Variants in RARB observed in about 807,000 individuals in gnomAD.
The protein encoded by RARB is HBV-activated protein.
In RARB, 17 loss-of-function variants were observed where a neutral mutation model predicts 51.9. The observed-to-expected ratio is 0.33, with a 90% CI of 0.22 to 0.49. The LOEUF is 0.49. Among genes scored for constraint, RARB ranks in the 20% least tolerant of loss-of-function variants. The pLI is 0.99. For missense variants in RARB, 369 were observed against 550.8 expected (o/e 0.67, Z 3.30); for synonymous variants, 215 against 195.4 (o/e 1.10, Z -0.84).
chr3:25,508,574 AATC>A (rs1400642109), intron 3 of RARB, among the ~76,000 whole-genome samples: 2 of 152,170 alleles, frequency 1.3e-5, no homozygotes, highest in Non-Finnish European at 2.9e-5. Context: ...ATTACATAAA[AATC>A]ATCATCAGGG....
At chr3:25,563,763 C>T (rs1700367419) in intron 3 of RARB, among the ~76,000 whole-genome samples, 1 of 152,200 alleles carries the variant, frequency 6.6e-6, no homozygotes, top group African/African-American at 2.4e-5. Context: ...CAACTCATGA[C>T]AACCCCATAG....
chr3:25,190,153 G>C (rs1701065397), intron 5 of RARB, among the ~76,000 whole-genome samples: 2 of 151,974 alleles, frequency 1.3e-5, no homozygotes, highest in Non-Finnish European at 2.9e-5. Context: ...GAAAATCATA[G>C]TATCTAGAAC....
At chr3:25,464,069 TATAA>T (rs1483165620) in intron 2 of RARB, among the ~76,000 whole-genome samples, 1 of 152,256 alleles carries the variant, frequency 6.6e-6, no homozygotes. Flanking sequence ...TTGTGCAATA[TATAA>T]ATAAATGATT....
intron 2 of RARB, among the ~76,000 whole-genome samples, chr3:25,059,414 G>A (rs1418622680): frequency 1.3e-5 from 2 of 151,584 alleles, no homozygotes; most frequent in Admixed American, 6.6e-5. Flanking sequence ...ACTTCCACTA[G>A]CTGGAAATAT....
intron 5 of RARB, among the ~76,000 whole-genome samples, chr3:25,322,611 T>G (rs1207559963): frequency 6.6e-6 from 1 of 152,218 alleles, no homozygotes; most frequent in Non-Finnish European, 1.5e-5. Context: ...TGGGACAATC[T>G]TTTAATTAAT....
At chr3:25,512,126 C>T (rs1286752) in intron 3 of RARB, among the ~76,000 whole-genome samples, 49,209 of 151,964 alleles carry the variant, frequency 0.32, 9,816 homozygotes, top group African/African-American at 0.55. Context: ...TGAATTAATA[C>T]ATGGCAGGGG....
chr3:25,503,209 A>G (rs781012929), intron 3 of RARB, among the ~76,000 whole-genome samples: 11 of 152,234 alleles, frequency 7.2e-5, no homozygotes, highest in Non-Finnish European at 2.9e-5. Context: ...CTCAGGCTCT[A>G]AATCCTTCCA....
chr3:25,404,746 T>C (rs1055160631), intron 5 of RARB, among the ~76,000 whole-genome samples: 23 of 152,218 alleles, frequency 1.5e-4, no homozygotes, highest in African/African-American at 5.5e-4. Flanking sequence ...TGTGATGTAG[T>C]TAGACTCACA....
intron 1 of RARB, among the ~76,000 whole-genome samples, chr3:24,841,856 A>T (rs1012498970): frequency 2.6e-5 from 4 of 152,194 alleles, no homozygotes; most frequent in Non-Finnish European, 4.4e-5. Flanking sequence ...ACATTTATTA[A>T]TGCTATTTAG....
intron 3 of RARB, among the ~76,000 whole-genome samples, chr3:25,071,508 G>A (rs542588721): frequency 1.4e-4 from 21 of 152,244 alleles, no homozygotes; most frequent in Admixed American, 2.6e-4. Context: ...ATTCCTGCTT[G>A]AAACTCCTTC....
intron 3 of RARB, among the ~76,000 whole-genome samples, chr3:25,508,162 A>T (rs1314389444): frequency 2.6e-5 from 4 of 152,190 alleles, no homozygotes; most frequent in African/African-American, 9.7e-5. Context: ...AGAATAGAGC[A>T]ATTGAATAAT....
At chr3:25,125,399 C>G (rs980895065) in intron 3 of RARB, among the ~76,000 whole-genome samples, 1 of 152,066 alleles carries the variant, frequency 6.6e-6, no homozygotes. Flanking sequence ...GAGGACCGTT[C>G]TAATGAGAAG....
At chr3:25,091,752 C>CA (rs1699203444) in intron 3 of RARB, among the ~76,000 whole-genome samples, 1 of 152,160 alleles carries the variant, frequency 6.6e-6, no homozygotes, top group East Asian at 1.9e-4. Context: ...TAAAAAAAGA[C>CA]AAAAAATATC....
chr3:25,321,748 A>T (rs1053799384), intron 5 of RARB, among the ~76,000 whole-genome samples: 11 of 144,538 alleles, frequency 7.6e-5, no homozygotes, highest in Admixed American at 6.7e-4. Flanking sequence ...TTGTGCTGTC[A>T]GCCATTTGAG....
At chr3:25,309,244 C>T (rs1704227352) in intron 5 of RARB, among the ~76,000 whole-genome samples, 1 of 148,308 alleles carries the variant, frequency 6.7e-6, no homozygotes, top group Non-Finnish European at 1.5e-5. Flanking sequence ...AGGTTCACGC[C>T]ATTCTCCTGC....
intron 5 of RARB, among the ~76,000 whole-genome samples, chr3:25,226,657 C>A (rs1197820610): frequency 6.6e-6 from 1 of 152,148 alleles, no homozygotes; most frequent in Non-Finnish European, 1.5e-5. Flanking sequence ...AGGTTGGCTG[C>A]TGTCTGAATT....
intron 5 of RARB, among the ~76,000 whole-genome samples, chr3:25,190,361 A>G (rs530787715): frequency 1.3e-5 from 2 of 152,202 alleles, no homozygotes; most frequent in South Asian, 4.1e-4. Flanking sequence ...CCAAATGATA[A>G]TGCCTTCTTT....
At chr3:25,287,124 A>G (rs1393805495) in intron 5 of RARB, among the ~76,000 whole-genome samples, 1 of 152,254 alleles carries the variant, frequency 6.6e-6, no homozygotes, top group African/African-American at 2.4e-5. Flanking sequence ...TTCTAGTGAT[A>G]CAGGTTTTAT....
intron 5 of RARB, among the ~76,000 whole-genome samples, chr3:25,383,566 C>A (rs1213129719): frequency 1.3e-5 from 2 of 152,144 alleles, no homozygotes; most frequent in Non-Finnish European, 2.9e-5. Context: ...TGCAAATGTT[C>A]TATATTTATG....
Sources: gnomAD v4.1 joint callset for allele counts (sites outside exome capture counted in the v4.1 genomes callset) on GRCh38, gnomAD v4.1.1 for gene constraint, MANE v1.5 for transcripts, NCBI Gene and HGNC (gene_info 2026-07-23, HGNC 2026-07-21) for gene names.